The following PAFAH1B1 variants were observed in gnomAD, a reference collection of about 807,000 sequenced individuals.
The protein encoded by PAFAH1B1 is platelet-activating factor acetylhydrolase IB subunit beta.
PAFAH1B1 carries 2 observed loss-of-function variants against 57.5 expected under a neutral mutation model. The ratio of observed to expected loss-of-function variants is 0.03; its 90% confidence interval spans 0.01 to 0.11. PAFAH1B1 has a LOEUF of 0.11. PAFAH1B1 is among the 10% of genes least tolerant of loss of function. The pLI is 1.00. For missense variants in PAFAH1B1, 257 were observed against 512.0 expected (o/e 0.50, Z 4.81); for synonymous variants, 152 against 169.6 (o/e 0.90, Z 0.81).
At chr17:2,621,183 C>T (rs1049497594) in intron 1 of PAFAH1B1, among the ~76,000 whole-genome samples, 2 of 151,794 alleles carry the variant, frequency 1.3e-5, no homozygotes, top group African/African-American at 4.8e-5. Flanking sequence ...TAGGTTAAGC[C>T]TAGTACCCAT....
chr17:2,655,383 C>T (rs1189009584), intron 2 of PAFAH1B1, among the ~76,000 whole-genome samples: 1 of 152,000 alleles, frequency 6.6e-6, no homozygotes, highest in Admixed American at 6.6e-5. Context: ...AAAGAGAAGA[C>T]ACATCGTAGG....
chr17:2,620,959 A>G (rs1405267847), intron 1 of PAFAH1B1, among the ~76,000 whole-genome samples: 1 of 151,560 alleles, frequency 6.6e-6, no homozygotes, highest in African/African-American at 2.5e-5. Flanking sequence ...GCTTTTTTAA[A>G]AAATAGATTT....
At chr17:2,653,930 T>A (rs2068901095) in intron 2 of PAFAH1B1, among the ~76,000 whole-genome samples, 1 of 152,136 alleles carries the variant, frequency 6.6e-6, no homozygotes, top group Non-Finnish European at 1.5e-5. Flanking sequence ...TGCCTCAGCC[T>A]CCCAAGTAGC....
At chr17:2,627,817 T>C (rs2068511170) in intron 1 of PAFAH1B1, among the ~76,000 whole-genome samples, 1 of 152,194 alleles carries the variant, frequency 6.6e-6, no homozygotes, top group Admixed American at 6.5e-5. Flanking sequence ...TTAGGTATAT[T>C]CCTAAGTATT....
At chr17:2,647,401 G>C (rs865946850) in intron 2 of PAFAH1B1, among the ~76,000 whole-genome samples, 5 of 152,198 alleles carry the variant, frequency 3.3e-5, no homozygotes, top group South Asian at 4.1e-4. Context: ...GGGCATGGTG[G>C]CACACACCTG....
intron 1 of PAFAH1B1, among the ~76,000 whole-genome samples, chr17:2,621,839 G>A (rs574719508): frequency 3.9e-5 from 6 of 152,020 alleles, no homozygotes; most frequent in South Asian, 4.2e-4. Flanking sequence ...TCGTTTTCAC[G>A]TTGCTGATAA....
intron 1 of PAFAH1B1, among the ~76,000 whole-genome samples, chr17:2,612,193 ATTTTGGGAAAATGGCACTTTTTTTT>A: frequency 6.7e-6 from 1 of 148,304 alleles, no homozygotes; most frequent in Middle Eastern, 3.5e-3. Context: ...TAAATGTGCC[ATTTTGGGAAAATGGCACTTTTTTTT>A]TTTTTTTTGA....
chr17:2,665,798 C>T (rs145475165), intron 3 of PAFAH1B1, among the ~76,000 whole-genome samples: 2 of 152,140 alleles, frequency 1.3e-5, no homozygotes, highest in East Asian at 1.9e-4. Flanking sequence ...GACGGGGTCT[C>T]GCCATGTTGG....
At chr17:2,662,316 A>G (rs2069026083) in intron 2 of PAFAH1B1, among the ~76,000 whole-genome samples, 1 of 147,644 alleles carries the variant, frequency 6.8e-6, no homozygotes, top group African/African-American at 2.5e-5. Flanking sequence ...CCTTCATCTC[A>G]GTTTTGATTT....
At chr17:2,596,537 A>G (rs1439024122) in intron 1 of PAFAH1B1, among the ~76,000 whole-genome samples, 1 of 152,218 alleles carries the variant, frequency 6.6e-6, no homozygotes, top group Admixed American at 6.6e-5. Context: ...TCAAGCATTC[A>G]CATGAGTAGA....
intron 1 of PAFAH1B1, among the ~76,000 whole-genome samples, chr17:2,622,325 A>T (rs947720664): frequency 3.3e-5 from 5 of 152,188 alleles, no homozygotes; most frequent in African/African-American, 1.2e-4. Flanking sequence ...CCTTCTGCCT[A>T]TGAGCCTGTA....
chr17:2,663,117 A>G (rs1567553189), intron 2 of PAFAH1B1, among the ~76,000 whole-genome samples: 1 of 148,216 alleles, frequency 6.7e-6, no homozygotes, highest in Non-Finnish European at 1.5e-5. Flanking sequence ...CTGTCTCTAA[A>G]TAAAGAAAGA....
At chr17:2,637,216 T>A (rs1467423924) in intron 1 of PAFAH1B1, among the ~76,000 whole-genome samples, 5 of 152,194 alleles carry the variant, frequency 3.3e-5, no homozygotes, top group African/African-American at 1.2e-4. Context: ...ATGATTTTTT[T>A]ATTGCTTTGA....
At chr17:2,651,937 A>G (rs12944429) in intron 2 of PAFAH1B1, among the ~76,000 whole-genome samples, 26,691 of 152,146 alleles carry the variant, frequency 0.18, 2,918 homozygotes, top group Non-Finnish European at 0.26. Flanking sequence ...TTATATATCC[A>G]TCAGTCATAC....
intron 1 of PAFAH1B1, among the ~76,000 whole-genome samples, chr17:2,626,800 G>T (rs1036714200): frequency 6.6e-6 from 1 of 151,996 alleles, no homozygotes; most frequent in Non-Finnish European, 1.5e-5. Flanking sequence ...TGATCTGCCC[G>T]CATCGACCTC....
chr17:2,684,993 C>T lies in PAFAH1B1; in HGVS notation c.*3191C>T, dbSNP rs1418344025. The T allele has an allele frequency of 6.6e-6, 1 of 152,110 alleles. No homozygotes were observed. Among genetic ancestry groups the T allele is most frequent in the African/African-American group, 2.4e-5 (1 of 41,404 alleles). The allele number at this position is 152,110 out of a possible 1,614,324, so 9.4% of individuals were successfully genotyped here. On this transcript the variant is annotated 3_prime_UTR_variant, in exon 11 of 11. Transcript: ENST00000397195. ...ATTTTGTTGACATCGGTGGCTCGAT[C>T]ATCCTTAAGCAACTGAAGTTAAAAT...
At chr17:2,619,397 TAAAA>T (rs1196173429) in intron 1 of PAFAH1B1, among the ~76,000 whole-genome samples, 1 of 152,064 alleles carries the variant, frequency 6.6e-6, no homozygotes, top group African/African-American at 2.4e-5. Flanking sequence ...CCTGGCTAAT[TAAAA>T]AAAATTTTTT....
intron 2 of PAFAH1B1, among the ~76,000 whole-genome samples, chr17:2,646,998 G>A (rs1481443054): frequency 1.3e-5 from 2 of 152,264 alleles, no homozygotes; most frequent in East Asian, 3.9e-4. Context: ...CAGAGAGGCC[G>A]AGGTGGGTGG....
intron 2 of PAFAH1B1, among the ~76,000 whole-genome samples, chr17:2,644,866 G>A (rs1322241425): frequency 2.0e-5 from 3 of 152,032 alleles, no homozygotes; most frequent in African/African-American, 7.2e-5. Flanking sequence ...CCAAAAGAGA[G>A]CTTTTAATTT....
Sources: allele counts gnomAD v4.1 joint callset (sites outside exome capture counted in the v4.1 genomes callset), GRCh38; gene constraint gnomAD v4.1.1; transcripts MANE v1.5; gene names NCBI Gene and HGNC (gene_info 2026-07-23, HGNC 2026-07-21).